Variants in MALRD1 observed in about 807,000 individuals in gnomAD.
MALRD1 encodes the protein MAM and LDL receptor class A domain containing 1.
In MALRD1, 247 loss-of-function variants were observed where a neutral mutation model predicts 242.1. The observed-to-expected ratio is 1.02, with a 90% CI of 0.92 to 1.13. The LOEUF (loss-of-function observed/expected upper bound fraction) is 1.13, where lower values mean the gene tolerates loss of function less well. Ranked by LOEUF, MALRD1 falls within the 50% of genes most tolerant of loss-of-function variation. MALRD1 has a pLI of 0.00. For synonymous variants in MALRD1, 995 were observed against 866.6 expected (o/e 1.15, Z -2.60); for missense variants, 2,989 against 2,533.1 (o/e 1.18, Z -3.86).
intron 28 of MALRD1, among the ~76,000 whole-genome samples, chr10:19,404,000 A>C (rs1041593695): frequency 2.0e-5 from 3 of 152,134 alleles, no homozygotes; most frequent in Non-Finnish European, 4.4e-5. Context: ...TAAACACGTT[A>C]AGCTTTTTAC....
At chr10:19,222,305 T>C (rs1199936238) in intron 18 of MALRD1, among the ~76,000 whole-genome samples, 1 of 152,114 alleles carries the variant, frequency 6.6e-6, no homozygotes, top group Non-Finnish European at 1.5e-5. Flanking sequence ...AAACATAGAC[T>C]TTGTGTCTGG....
intron 32 of MALRD1, among the ~76,000 whole-genome samples, chr10:19,538,272 G>T (rs1261367791): frequency 6.6e-6 from 1 of 152,116 alleles, no homozygotes; most frequent in Non-Finnish European, 1.5e-5. Flanking sequence ...CATCATAAAT[G>T]ACTGATAATC....
At position 19,203,650 on chromosome 10, in the gene MALRD1, T is replaced by C. The variant is rs1836651802; in HGVS notation, c.1952-78T>C. On this transcript the variant is annotated intron_variant, in intron 14 of 39. Transcript: ENST00000454679. ...GCATACAGAAGCATAATAAGGTGAA[T>C]TCTATTTGAGCTCTGCCTTTTCAAA... The C allele has an allele frequency of 7.3e-6, 10 of 1,373,716 alleles. 1 individual carries two copies. In the South Asian group the frequency reaches 1.6e-4, roughly 22 times the overall value. The allele number at this position is 1,373,716 out of a possible 1,614,324, so 85.1% of individuals were successfully genotyped here.
At chr10:19,683,758 T>TTTTA (rs368873659) in intron 36 of MALRD1, among the ~76,000 whole-genome samples, 4 of 152,146 alleles carry the variant, frequency 2.6e-5, no homozygotes, top group Non-Finnish European at 4.4e-5. Context: ...TTATACATTC[T>TTTTA]TTTATTTATT....
At chr10:19,099,505 G>T (rs1316068556) in intron 4 of MALRD1, among the ~76,000 whole-genome samples, 2 of 152,074 alleles carry the variant, frequency 1.3e-5, no homozygotes, top group Non-Finnish European at 2.9e-5. Context: ...TTGGATTAGT[G>T]CAGGCTGTGC....
chr10:19,299,473 T>A (rs757530354), intron 21 of MALRD1, among the ~76,000 whole-genome samples: 13 of 151,978 alleles, frequency 8.6e-5, no homozygotes, highest in Non-Finnish European at 1.6e-4. Flanking sequence ...CAAGAATCTA[T>A]AACTATCCTA....
chr10:19,138,077 G>A (rs1272155251), intron 10 of MALRD1, among the ~76,000 whole-genome samples: 1 of 152,112 alleles, frequency 6.6e-6, no homozygotes, highest in African/African-American at 2.4e-5. Flanking sequence ...AGAGCAACGC[G>A]GAGGGACACA....
chr10:19,556,956 G>T (rs927825033), intron 32 of MALRD1, among the ~76,000 whole-genome samples: 2 of 152,084 alleles, frequency 1.3e-5, no homozygotes, highest in Non-Finnish European at 2.9e-5. Flanking sequence ...GGGAGTGTTT[G>T]ATAATGTCAG....
At chr10:19,068,968 G>GT (rs1024484209) in intron 2 of MALRD1, among the ~76,000 whole-genome samples, 13 of 152,160 alleles carry the variant, frequency 8.5e-5, no homozygotes, top group African/African-American at 2.9e-4. Context: ...TTAAAAGAAT[G>GT]TAACATTGCA....
intron 36 of MALRD1, among the ~76,000 whole-genome samples, chr10:19,659,364 T>G (rs936735078): frequency 6.6e-6 from 1 of 152,144 alleles, no homozygotes. Context: ...ATTTCACAAA[T>G]AAGCAAACAG....
At chr10:19,259,537 T>C (rs957174494) in intron 19 of MALRD1, among the ~76,000 whole-genome samples, 3 of 152,126 alleles carry the variant, frequency 2.0e-5, no homozygotes, top group African/African-American at 7.2e-5. Flanking sequence ...CTATCAAATC[T>C]TGTAAGACTT....
chr10:19,570,790 C>T (rs1376342849), intron 33 of MALRD1, among the ~76,000 whole-genome samples: 1 of 151,928 alleles, frequency 6.6e-6, no homozygotes, highest in East Asian at 1.9e-4. Context: ...ATATCTGTCT[C>T]TGAAAAATAG....
chr10:19,383,041 G>T (rs1845904162), intron 26 of MALRD1, among the ~76,000 whole-genome samples: 1 of 152,122 alleles, frequency 6.6e-6, no homozygotes, highest in African/African-American at 2.4e-5. Context: ...GATAATAAAA[G>T]AATAGTATGA....
intron 28 of MALRD1, among the ~76,000 whole-genome samples, chr10:19,392,849 T>A (rs1026604832): frequency 7.2e-5 from 11 of 152,216 alleles, no homozygotes; most frequent in Admixed American, 7.2e-4. Flanking sequence ...TTGTTTGGTA[T>A]GCGATCAGAG....
At chr10:19,437,862 A>G (rs1182239389) in intron 28 of MALRD1, among the ~76,000 whole-genome samples, 1 of 152,058 alleles carries the variant, frequency 6.6e-6, no homozygotes, top group East Asian at 1.9e-4. Flanking sequence ...TATTCATTTA[A>G]GCTTTTTTTC....
chr10:19,733,557 A>G (rs1281553111), intron 39 of MALRD1, among the ~76,000 whole-genome samples: 1 of 151,882 alleles, frequency 6.6e-6, no homozygotes, highest in Non-Finnish European at 1.5e-5. Flanking sequence ...TAAAAATCAG[A>G]AATTTTAGAA....
intron 2 of MALRD1, among the ~76,000 whole-genome samples, chr10:19,084,575 T>C (rs1835604905): frequency 6.6e-6 from 1 of 151,876 alleles, no homozygotes; most frequent in Non-Finnish European, 1.5e-5. Flanking sequence ...ACGTGGGAAA[T>C]GGAGGAAGTA....
intron 36 of MALRD1, among the ~76,000 whole-genome samples, chr10:19,686,911 CAAAAG>C (rs1050172398): frequency 2.6e-5 from 4 of 151,322 alleles, no homozygotes; most frequent in African/African-American, 9.7e-5. Context: ...ACTAGACACA[CAAAAG>C]AAGTGGTAAA....
At chr10:19,578,093 G>T (rs1259817231) in intron 33 of MALRD1, among the ~76,000 whole-genome samples, 2 of 152,144 alleles carry the variant, frequency 1.3e-5, no homozygotes, top group African/African-American at 4.8e-5. Context: ...TGTTGCCTAA[G>T]AAATAGGAGA....
Sources: allele counts gnomAD v4.1 joint callset (sites outside exome capture counted in the v4.1 genomes callset), GRCh38; gene constraint gnomAD v4.1.1; transcripts MANE v1.5; gene names NCBI Gene and HGNC (gene_info 2026-07-23, HGNC 2026-07-21).